The following TBCK variants were observed in gnomAD, a reference collection of about 807,000 sequenced individuals.
The protein encoded by TBCK is TBC domain-containing protein kinase-like protein.
Under a neutral mutation model 113.4 loss-of-function variants are expected in TBCK, and 99 were observed. That is an observed-to-expected ratio of 0.87 (90% CI 0.74 to 1.03). TBCK has a LOEUF of 1.03. TBCK is among the 50% of genes least tolerant of loss of function. The pLI, the probability that TBCK is intolerant of heterozygous loss-of-function variation, is 0.00. For synonymous variants in TBCK, 369 were observed against 370.8 expected, an observed-to-expected ratio of 1.00 and a Z score of 0.05; for missense variants, 1,045 against 1,061.3, an observed-to-expected ratio of 0.98 and a Z score of 0.21.
chr4:106,116,347 T>A lies in TBCK; in HGVS notation c.2267A>T (p.Lys756Met). ...SRESIPLNDL[K>M]SEVSPRISAE... Reference sequence around the variant, plus strand: ...TGAAATCCGTGGTGATACTTCTGACTTCAGGTCATTTAATGGGATGGATTC... The same window carrying A: ...TGAAATCCGTGGTGATACTTCTGACATCAGGTCATTTAATGGGATGGATTC... The change falls in exon 24 of 26, where the codon AAG becomes ATG. Residue 756 changes from lysine (K) to methionine (M), a missense_variant. By Grantham distance (95) the Lys-to-Met change is moderately conservative. Coordinates refer to ENST00000394708, the MANE Select transcript of TBCK (RefSeq NM_001163435.3). The A allele has an allele frequency of 6.2e-7, 1 of 1,613,700 alleles. No individual in the cohort carries two copies. Among genetic ancestry groups the A allele is most frequent in the Admixed American group, 1.7e-5 (1 of 60,000 alleles).
At position 106,219,875 on chromosome 4, in the gene TBCK, C is replaced by T. The variant is rs188744031; in HGVS notation, c.1775-7040G>A. ...AATAACATCATAAAACTTTTCCCTT[C>T]ATAATCACAACTTTCTCCTACAGTA... On this transcript the variant is annotated intron_variant, in intron 19 of 25. Transcript: ENST00000394708. 2.7e-3 allele frequency among the ~76,000 whole-genome samples: 413 copies of T among 152,242 alleles called. 4 individuals are homozygous for T. Among genetic ancestry groups the T allele is most frequent in the African/African-American group, 9.5e-3 (393 of 41,552 alleles).
At chr4:106,219,951 AAAT>A (rs1757479982) in intron 19 of TBCK, among the ~76,000 whole-genome samples, 1 of 152,240 alleles carries the variant, frequency 6.6e-6, no homozygotes, top group Non-Finnish European at 1.5e-5. Flanking sequence ...AATCTTCAAA[AAAT>A]AATGTCTGCC....
chr4:106,184,998 T>C lies in TBCK; in HGVS notation c.2059+8611A>G, dbSNP rs1040102209. 2.6e-5 allele frequency among the ~76,000 whole-genome samples: 4 copies of C among 152,170 alleles called. No homozygotes were observed. The East Asian group carries it at 7.7e-4, about 29-fold the overall frequency. On this transcript the variant is annotated intron_variant, in intron 22 of 25. Transcript: ENST00000394708. The stretch of plus-strand genomic sequence containing the variant: ...GGTATTTGCAGCAGCTTGGAAAATT[T>C]AGCACTAGGTCAGTTGCAGCCATCG...
At chr4:106,236,867 G>A in intron 12 of TBCK, 59 bp from the exon 13 acceptor site, 2 of 991,156 alleles carry the variant, frequency 2.0e-6, no homozygotes, top group Non-Finnish European at 1.4e-6. Flanking sequence ...ACCCTGATCT[G>A]TGTTTAAAAA....
At chr4:106,120,835 C>A (rs1175353737) in intron 23 of TBCK, among the ~76,000 whole-genome samples, 6 of 152,052 alleles carry the variant, frequency 3.9e-5, no homozygotes, top group Admixed American at 2.0e-4. Flanking sequence ...TCATCAAAGA[C>A]CAAAAGCAGA....
chr4:106,116,521 T>C, intron 23 of TBCK, 143 bp from the exon 24 acceptor site: 1 of 745,268 alleles, frequency 1.3e-6, no homozygotes, highest in South Asian at 2.1e-5. Flanking sequence ...TATTGTGTAA[T>C]TCAGTGGTCT....
chr4:106,086,182 T>G (rs775492247), intron 25 of TBCK, among the ~76,000 whole-genome samples: 21 of 151,354 alleles, frequency 1.4e-4, no homozygotes, highest in Non-Finnish European at 2.4e-4. Context: ...CAAAATAGAC[T>G]GTTAACTAGA....
chr4:106,298,642 C>T (rs1766585083), intron 2 of TBCK, among the ~76,000 whole-genome samples: 2 of 151,968 alleles, frequency 1.3e-5, no homozygotes, highest in South Asian at 4.2e-4. Flanking sequence ...ACGAAAAGTG[C>T]TTCCTTCAAG....
At chr4:106,077,973 A>T (rs1738408414) in intron 25 of TBCK, among the ~76,000 whole-genome samples, 2 of 152,212 alleles carry the variant, frequency 1.3e-5, no homozygotes, top group Admixed American at 1.3e-4. Flanking sequence ...ACAGCATAGT[A>T]AAAACAGCAA....
chr4:106,069,470 T>C (rs1340620772), intron 25 of TBCK, among the ~76,000 whole-genome samples: 1 of 152,206 alleles, frequency 6.6e-6, no homozygotes, highest in Non-Finnish European at 1.5e-5. Context: ...TGTGGTGTTA[T>C]TTCTGAGGCC....
At chr4:106,214,039 C>T (rs1206149876) in intron 19 of TBCK, among the ~76,000 whole-genome samples, 2 of 152,140 alleles carry the variant, frequency 1.3e-5, no homozygotes, top group Non-Finnish European at 2.9e-5. Context: ...GCAGACTGCC[C>T]CCTCAAGTGG....
chr4:106,301,527 T>G (rs1579567666), intron 2 of TBCK, among the ~76,000 whole-genome samples: 2 of 152,344 alleles, frequency 1.3e-5, no homozygotes, highest in East Asian at 1.9e-4. Flanking sequence ...AAAAAAATTC[T>G]GAAACTCTAA....
At chr4:106,213,829 A>T (rs1756494896) in intron 19 of TBCK, 1 of 155,022 alleles carries the variant, frequency 6.5e-6, no homozygotes, top group African/African-American at 2.4e-5. Flanking sequence ...TTAGGTAAAC[A>T]AAGCAGCCCG....
chr4:106,057,756 C>T (rs192146414), intron 25 of TBCK, among the ~76,000 whole-genome samples: 1 of 151,912 alleles, frequency 6.6e-6, no homozygotes, highest in Admixed American at 6.6e-5. Flanking sequence ...CTTCGCAGTA[C>T]TATTTCCAGA....
chr4:106,086,152 C>T (rs1195134049), intron 25 of TBCK, among the ~76,000 whole-genome samples: 1 of 151,624 alleles, frequency 6.6e-6, no homozygotes, highest in African/African-American at 2.4e-5. Flanking sequence ...AATCCAGGAG[C>T]TTTTTTTTGA....
In TBCK at chr4:106,121,561, C is replaced by A. The variant is rs1446856701; in HGVS notation, c.2236-5183G>T. On this transcript the variant is annotated intron_variant, in intron 23 of 25. Transcript: ENST00000394708. Reference sequence around the variant, plus strand: ...TACAGAACTCTCCACCCTAAATCAACAGAATATACATTTTTTTCAGCACCA... The same window carrying A: ...TACAGAACTCTCCACCCTAAATCAAAAGAATATACATTTTTTTCAGCACCA... 8.6e-5 allele frequency among the ~76,000 whole-genome samples: 13 copies of A among 152,010 alleles called. No homozygotes were observed. In the South Asian group the frequency reaches 2.7e-3, roughly 32 times the overall value.
rs553381486 is a variant in TBCK, at chr4:106,116,124, T to A, written c.2411+79A>T. ...GAAGAATCCCAGAATTTTTTTTTTT[T>A]AACCACACAACACTTAAATGAAAGG... On this transcript the variant is annotated intron_variant, in intron 24 of 25. Coordinates refer to ENST00000394708, the MANE Select transcript of TBCK (RefSeq NM_001163435.3). 1.5e-5 allele frequency: 20 copies of A among 1,373,730 alleles called. No homozygotes were observed. In the East Asian group the frequency reaches 4.0e-4, roughly 27 times the overall value. The allele number at this position is 1,373,730 out of a possible 1,614,324, so 85.1% of individuals were successfully genotyped here.
At chr4:106,263,135 G>A (rs1560931419) in intron 3 of TBCK, among the ~76,000 whole-genome samples, 1 of 151,560 alleles carries the variant, frequency 6.6e-6, no homozygotes, top group Non-Finnish European at 1.5e-5. Context: ...GTTCACATAG[G>A]AAATTTCCCC....
In TBCK at chr4:106,175,378, A is replaced by G. The variant is rs935647692; in HGVS notation, c.2060-4108T>C. Among the ~76,000 whole-genome samples the G allele has an allele frequency of 2.7e-5, 3 of 110,030 alleles. No individual in the cohort carries two copies. The South Asian group carries it at 8.3e-4, about 30-fold the overall frequency. 72.2% of individuals were successfully genotyped at this position (110,030 alleles called of 152,430 possible). A position where few individuals can be genotyped will look rare whatever the true frequency, so the allele number is the denominator to read the frequency against. ...ATTGAATTTTTTTTTTTTTTTTTTTATGTGGGCTGGGGTTAGTGACTGGTG... is the reference window on the plus strand; with the variant it reads ...ATTGAATTTTTTTTTTTTTTTTTTTGTGTGGGCTGGGGTTAGTGACTGGTG... On this transcript the variant is annotated intron_variant, in intron 22 of 25. Coordinates refer to ENST00000394708, the MANE Select transcript of TBCK (RefSeq NM_001163435.3).
Sources: gnomAD v4.1 joint callset for allele counts (sites outside exome capture counted in the v4.1 genomes callset) on GRCh38, gnomAD v4.1.1 for gene constraint, MANE v1.5 for transcripts, NCBI Gene and HGNC (gene_info 2026-07-23, HGNC 2026-07-21) for gene names.